ANK3: variants seen among roughly 807,000 people sequenced by gnomAD.
ANK3 encodes the protein ankyrin-3.
In ANK3, 57 loss-of-function variants were observed where a neutral mutation model predicts 370.9. The ratio of observed to expected loss-of-function variants is 0.15; its 90% confidence interval spans 0.12 to 0.19. ANK3 has a LOEUF of 0.19. Ranked by LOEUF, ANK3 falls within the 10% of genes least tolerant of loss-of-function variation. ANK3 has a pLI of 1.00. For synonymous variants in ANK3, 1,929 were observed against 1,946.3 expected (o/e 0.99, Z 0.23); for missense variants, 4,439 against 5,302.1 (o/e 0.84, Z 5.06).
chr10:60,224,730 C>G (rs1342320787), intron 8 of ANK3, among the ~76,000 whole-genome samples: 1 of 151,900 alleles, frequency 6.6e-6, no homozygotes, highest in African/African-American at 2.4e-5. Flanking sequence ...GCAGAGAGAA[C>G]TCTGCAGATA....
At position 60,279,658 on chromosome 10, in the gene ANK3, A is replaced by G; in HGVS notation, c.115-19T>C. The G allele has an allele frequency of 6.3e-7, 1 of 1,591,956 alleles. No individual in the cohort carries two copies. Among genetic ancestry groups the G allele is most frequent in the Non-Finnish European group, 8.6e-7 (1 of 1,166,118 alleles). ...CATCAGACTAAAATAAAAAAGAAAC[A>G]CATTTTGATGAAAAATGAAGCTAAT... On this transcript the variant is annotated intron_variant, in intron 1 of 43. Transcript: ENST00000280772.
At chr10:60,272,461 T>C (rs953283941) in intron 4 of ANK3, among the ~76,000 whole-genome samples, 2 of 120,916 alleles carry the variant, frequency 1.7e-5, no homozygotes, top group African/African-American at 6.4e-5. Context: ...TTTTTGTTGT[T>C]GTTGTTGTTG....
At chr10:60,423,908 C>T (rs1033082025) in intron 2 of ANK3, among the ~76,000 whole-genome samples, 1 of 152,038 alleles carries the variant, frequency 6.6e-6, no homozygotes, top group South Asian at 2.1e-4. Flanking sequence ...ATAAAAGTTA[C>T]CTCTGATGGT....
In ANK3 at chr10:60,076,171, T is replaced by C; in HGVS notation, c.4710A>G (p.Pro1570=). ...SVKSISDVAS[P]IRSFRTMSSP... Reference sequence around the variant, plus strand: ...AAGACATTGTCCGAAAGGATCTAATTGGAGATGCCACGTCACTAATGGATT... The same window carrying C: ...AAGACATTGTCCGAAAGGATCTAATCGGAGATGCCACGTCACTAATGGATT... The change falls in exon 37 of 44, where the codon CCA becomes CCG. Residue 1570 remains proline (P), a synonymous_variant. Coordinates refer to ENST00000280772, the MANE Select transcript of ANK3 (RefSeq NM_020987.5). The C allele has an allele frequency of 2.5e-6, 4 of 1,614,180 alleles. No homozygotes were observed. Among genetic ancestry groups the C allele is most frequent in the Non-Finnish European group, 3.4e-6 (4 of 1,180,012 alleles).
At chr10:60,113,296 C>G (rs1565097171) in intron 26 of ANK3, among the ~76,000 whole-genome samples, 1 of 151,956 alleles carries the variant, frequency 6.6e-6, no homozygotes, top group Non-Finnish European at 1.5e-5. Flanking sequence ...GAGGCACCAA[C>G]TCGAAAGTTC....
rs966051935 is a variant in ANK3, at chr10:60,103,247, C to T, written c.3328+2658G>A. The stretch of plus-strand genomic sequence containing the variant: ...TTACAGGCGTGAACCACACTGCACC[C>T]GGCCTATTTGTCTTTTTTAAGGAAA... On this transcript the variant is annotated intron_variant, in intron 28 of 43. Coordinates refer to ENST00000280772, the MANE Select transcript of ANK3 (RefSeq NM_020987.5). Among the ~76,000 whole-genome samples the T allele has an allele frequency of 2.6e-5, 4 of 152,116 alleles. No homozygotes were observed. The East Asian group carries it at 5.8e-4, about 22-fold the overall frequency.
At chr10:60,271,314 T>A (rs2097979151) in intron 4 of ANK3, among the ~76,000 whole-genome samples, 1 of 152,088 alleles carries the variant, frequency 6.6e-6, no homozygotes, top group Non-Finnish European at 1.5e-5. Context: ...AAACGATCCT[T>A]CTGCCTCAGC....
intron 42 of ANK3, chr10:60,053,684 C>G (rs937514079): frequency 7.7e-7 from 1 of 1,303,842 alleles, no homozygotes; most frequent in South Asian, 1.2e-5. Context: ...TACCTTATAA[C>G]AGCAGGCAGT....
intron 1 of ANK3, among the ~76,000 whole-genome samples, chr10:60,632,115 C>T (rs2078491933): frequency 1.3e-5 from 2 of 152,174 alleles, no homozygotes. Context: ...CAACTGCTAA[C>T]TTCAAACCCT....
rs1591136139 is a variant in ANK3, at chr10:60,166,985, G to T, written c.2479-89C>A. The T allele has an allele frequency of 5.5e-6, 6 of 1,095,284 alleles. No individual in the cohort carries two copies. The East Asian group carries it at 9.5e-5, about 17-fold the overall frequency. 67.8% of individuals were successfully genotyped at this position (1,095,284 alleles called of 1,614,324 possible). A position where few individuals can be genotyped will look rare whatever the true frequency, so the allele number is the denominator to read the frequency against. ...TTATCTCTGAATTAATCAGTTTCTT[G>T]TGGAATGTATGTGTTGAATATCTTG... On this transcript the variant is annotated intron_variant, in intron 21 of 43. Transcript: ENST00000280772.
chr10:60,456,174 C>T (rs2064742566), intron 2 of ANK3, among the ~76,000 whole-genome samples: 2 of 152,220 alleles, frequency 1.3e-5, no homozygotes, highest in Admixed American at 1.3e-4. Context: ...GGACATCTTT[C>T]TTATCCTGCA....
intron 2 of ANK3, among the ~76,000 whole-genome samples, chr10:60,438,541 G>A (rs1397434324): frequency 6.6e-6 from 1 of 152,182 alleles, no homozygotes; most frequent in Non-Finnish European, 1.5e-5. Context: ...GTGTGGGGAA[G>A]AGTAAGGCAA....
intron 21 of ANK3, among the ~76,000 whole-genome samples, chr10:60,167,703 C>T (rs1480942508): frequency 6.6e-6 from 1 of 150,950 alleles, no homozygotes; most frequent in African/African-American, 2.4e-5. Context: ...GCATATGAGA[C>T]ACTAATGGTA....
chr10:60,390,767 A>ACACAC (rs1566994376), upstream of ANK3, among the ~76,000 whole-genome samples: 30 of 49,558 alleles, frequency 6.1e-4, no homozygotes, highest in East Asian at 4.0e-3. Flanking sequence ...CACACACACA[A>ACACAC]ACAACAATTT....
intron 1 of ANK3, among the ~76,000 whole-genome samples, chr10:60,668,810 G>A (rs1344557332): frequency 6.6e-6 from 1 of 152,048 alleles, no homozygotes; most frequent in Non-Finnish European, 1.5e-5. Flanking sequence ...TGGCCAAGAC[G>A]GTGAAACCTC....
chr10:60,528,800 G>A (rs1204590604), intron 2 of ANK3, among the ~76,000 whole-genome samples: 1 of 151,996 alleles, frequency 6.6e-6, no homozygotes, highest in Non-Finnish European at 1.5e-5. Flanking sequence ...GTGTCTCCAG[G>A]CATTGTCAGT....
rs547701709 is a variant in ANK3, at chr10:60,358,595, T to C, written c.114+30830A>G. Among the ~76,000 whole-genome samples the C allele has an allele frequency of 3.3e-5, 5 of 152,362 alleles. No homozygotes were observed. In the South Asian group the frequency reaches 1.0e-3, roughly 32 times the overall value. On this transcript the variant is annotated intron_variant, in intron 1 of 43. Coordinates refer to ENST00000280772, the MANE Select transcript of ANK3 (RefSeq NM_020987.5). The stretch of plus-strand genomic sequence containing the variant: ...GTTTAAAATTCAATACACTCACAGA[T>C]GGCTGTCTCATGTCTCAGATTTAGG...
chr10:60,632,745 C>T (rs2078501459), intron 1 of ANK3, among the ~76,000 whole-genome samples: 2 of 152,146 alleles, frequency 1.3e-5, no homozygotes, highest in South Asian at 4.2e-4. Flanking sequence ...GTAACATTAG[C>T]CAGGCACAGT....
intron 7 of ANK3, among the ~76,000 whole-genome samples, chr10:60,248,356 G>T (rs544769760): frequency 1.9e-3 from 287 of 152,012 alleles, no homozygotes; most frequent in African/African-American, 6.5e-3. Flanking sequence ...GATTTTTTTT[G>T]ATAGTAGCCA....
Sources: allele counts gnomAD v4.1 joint callset (sites outside exome capture counted in the v4.1 genomes callset), GRCh38; gene constraint gnomAD v4.1.1; transcripts MANE v1.5; gene names NCBI Gene and HGNC (gene_info 2026-07-23, HGNC 2026-07-21).